Variants in NTRK3 observed in about 807,000 individuals in gnomAD.
NTRK3 encodes NT-3 growth factor receptor.
A neutral mutation model predicts 91.7 loss-of-function variants in NTRK3; 24 were observed. The ratio of observed to expected loss-of-function variants is 0.26; its 90% CI spans 0.19 to 0.37. NTRK3 has a LOEUF of 0.37. Ranked by LOEUF, NTRK3 falls within the 10% of genes least tolerant of loss-of-function variation. The probability of loss-of-function intolerance (pLI) is 1.00; values close to 1 mark genes in which losing one functional copy is unlikely to be tolerated. For synonymous variants in NTRK3, 483 were observed against 404.0 expected, an observed-to-expected ratio of 1.20 and a Z score of -2.34; for missense variants, 880 against 1,068.9, an observed-to-expected ratio of 0.82 and a Z score of 2.46.
intron 14 of NTRK3, among the ~76,000 whole-genome samples, chr15:87,949,632 T>C (rs2070904068): frequency 6.6e-6 from 1 of 152,152 alleles, no homozygotes; most frequent in Non-Finnish European, 1.5e-5. Flanking sequence ...TCCCCAGTGC[T>C]ACCCCACCAT....
intron 14 of NTRK3, among the ~76,000 whole-genome samples, chr15:87,966,671 T>C (rs2072825698): frequency 6.6e-6 from 1 of 152,134 alleles, no homozygotes; most frequent in Admixed American, 6.6e-5. Flanking sequence ...GAGACCCGCA[T>C]GTGTCCTGGA....
intron 3 of NTRK3, among the ~76,000 whole-genome samples, chr15:88,217,845 G>T (rs578260134): frequency 4.6e-5 from 7 of 151,126 alleles, no homozygotes; most frequent in Non-Finnish European, 7.4e-5. Context: ...TGCAAGCTCC[G>T]CCTCCCGGGT....
intron 14 of NTRK3, among the ~76,000 whole-genome samples, chr15:87,966,512 C>T (rs2072808798): frequency 6.6e-6 from 1 of 152,198 alleles, no homozygotes; most frequent in Non-Finnish European, 1.5e-5. Context: ...TGTGTGCACA[C>T]TGAGCCTGCA....
At chr15:88,085,479 G>A (rs543856858) in intron 13 of NTRK3, among the ~76,000 whole-genome samples, 74 of 152,272 alleles carry the variant, frequency 4.9e-4, no homozygotes, top group African/African-American at 1.5e-3. Context: ...CCTTCAGCCG[G>A]CACCCCAGAA....
At chr15:88,205,815 C>T (rs191878289) in intron 3 of NTRK3, 16 of 152,378 alleles carry the variant, frequency 1.1e-4, no homozygotes, top group African/African-American at 3.9e-4. Flanking sequence ...ATAACCCTGA[C>T]CTACCTACTG....
exon 19 of NTRK3, chr15:87,870,735 G>C (rs1220851586): frequency 4.5e-6 from 1 of 222,854 alleles, no homozygotes; most frequent in African/African-American, 2.2e-5. Context: ...AACTCCTTTT[G>C]TAAGATACTA....
At chr15:87,923,696 C>T (rs1166957533) in intron 17 of NTRK3, among the ~76,000 whole-genome samples, 1 of 152,122 alleles carries the variant, frequency 6.6e-6, no homozygotes, top group East Asian at 1.9e-4. Context: ...TGAAAGTGTC[C>T]TCCAAAGATC....
At chr15:87,981,700 T>G (rs1015244618) in intron 14 of NTRK3, among the ~76,000 whole-genome samples, 1 of 152,216 alleles carries the variant, frequency 6.6e-6, no homozygotes, top group Non-Finnish European at 1.5e-5. Context: ...GTGCCCATCA[T>G]TGCCATTCAG....
intron 17 of NTRK3, among the ~76,000 whole-genome samples, chr15:87,900,172 G>C (rs1269525088): frequency 2.0e-5 from 3 of 152,146 alleles, no homozygotes; most frequent in African/African-American, 4.8e-5. Context: ...AGGTTGGGTG[G>C]TAACAGCAGT....
intron 14 of NTRK3, among the ~76,000 whole-genome samples, chr15:88,018,253 C>T (rs2077373437): frequency 6.6e-6 from 1 of 152,350 alleles, no homozygotes; most frequent in South Asian, 2.1e-4. Flanking sequence ...GGGATGACTA[C>T]ATAGGAGCTA....
intron 13 of NTRK3, among the ~76,000 whole-genome samples, chr15:88,066,156 A>T (rs1316835016): frequency 2.6e-5 from 4 of 152,208 alleles, no homozygotes; most frequent in African/African-American, 9.6e-5. Context: ...TTCTCTGATG[A>T]TAAAGACCTT....
intron 14 of NTRK3, among the ~76,000 whole-genome samples, chr15:88,005,496 T>C (rs1374000122): frequency 6.6e-6 from 1 of 152,180 alleles, no homozygotes; most frequent in African/African-American, 2.4e-5. Context: ...CATGGATTCC[T>C]TTACAAAGCC....
chr15:87,951,923 T>A (rs2071144125), intron 14 of NTRK3, among the ~76,000 whole-genome samples: 1 of 152,024 alleles, frequency 6.6e-6, no homozygotes, highest in African/African-American at 2.4e-5. Context: ...GGTCAGGAGT[T>A]TGAGACCAGC....
At chr15:87,916,159 T>C (rs2067432750) in intron 17 of NTRK3, 2 of 244,622 alleles carry the variant, frequency 8.2e-6, no homozygotes, top group African/African-American at 4.4e-5. Context: ...GCTATGAGGA[T>C]TATGAGAGAA....
intron 6 of NTRK3, among the ~76,000 whole-genome samples, 153 bp from the exon 7 acceptor site, chr15:88,137,714 A>T (rs1270097389): frequency 6.6e-6 from 1 of 152,238 alleles, no homozygotes; most frequent in Non-Finnish European, 1.5e-5. Context: ...AAATCCTTGT[A>T]AGTCCATAAA....
chr15:87,978,617 T>C (rs2073926695), intron 14 of NTRK3: 1 of 231,034 alleles, frequency 4.3e-6, no homozygotes, highest in Admixed American at 5.6e-5. Flanking sequence ...GGAGAAACTC[T>C]CCTCTGCAAG....
exon 19 of NTRK3, chr15:87,868,358 C>T (rs920855250): frequency 8.0e-5 from 18 of 226,210 alleles, no homozygotes; most frequent in Non-Finnish European, 1.6e-4. Context: ...CTTTCCAATT[C>T]ATAAACACAG....
chr15:88,200,728 T>C (rs536251677), intron 3 of NTRK3, among the ~76,000 whole-genome samples: 5 of 152,336 alleles, frequency 3.3e-5, no homozygotes, highest in Admixed American at 2.0e-4. Flanking sequence ...CTCTTTCCTT[T>C]ATAAATTACC....
In NTRK3 at chr15:88,191,642, G is replaced by A. The variant is rs773856588; in HGVS notation, c.249-7343C>T. Among the ~76,000 whole-genome samples, 15 of 152,220 alleles carry A rather than the reference G, an allele frequency of 9.9e-5. No individual in the cohort carries two copies. In the East Asian group the frequency reaches 1.9e-3, roughly 20 times the overall value. On this transcript the variant is annotated intron_variant, in intron 3 of 18. Transcript: ENST00000394480. ...TGTGCACACACACGCACAATGTGCC[G>A]CGCTTTTGACTCCGAAGCCTTGTAG...
Sources: allele counts gnomAD v4.1 joint callset (sites outside exome capture counted in the v4.1 genomes callset), GRCh38; gene constraint gnomAD v4.1.1; transcripts MANE v1.5; gene names NCBI Gene and HGNC (gene_info 2026-07-23, HGNC 2026-07-21).